MYO18B: variants seen among roughly 807,000 people sequenced by gnomAD.
The protein encoded by MYO18B is unconventional myosin-XVIIIb.
A neutral mutation model predicts 273.0 loss-of-function variants in MYO18B; 204 were observed. That is an observed-to-expected ratio of 0.75 (90% CI 0.67 to 0.84). The LOEUF is 0.84. MYO18B is among the 40% of genes least tolerant of loss of function. The pLI is 0.00. For missense variants in MYO18B, 3,212 were observed against 3,287.6 expected (o/e 0.98, Z 0.56); for synonymous variants, 1,330 against 1,305.7 (o/e 1.02, Z -0.40).
At chr22:25,767,501 G>C (rs1488763810) in intron 3 of MYO18B, among the ~76,000 whole-genome samples, 1 of 152,222 alleles carries the variant, frequency 6.6e-6, no homozygotes, top group Non-Finnish European at 1.5e-5. Context: ...GGTGGTATCT[G>C]CCTGTACTGG....
Position 25,902,572 on chromosome 22 carries a change from A to AC in MYO18B, c.4824-39dup, listed in dbSNP as rs776831554. 13 of 1,585,068 alleles carry AC rather than the reference A, an allele frequency of 8.2e-6. No individual in the cohort carries two copies. The Admixed American group carries it at 2.1e-4, about 26-fold the overall frequency. ...CCCTGCCTCAATCACTCCCCTGCCCACCTGCCTACGGGGCCCTGACACGTG... is the reference window on the plus strand; with the variant it reads ...CCCTGCCTCAATCACTCCCCTGCCCACCCTGCCTACGGGGCCCTGACACGTG... On this transcript the variant is annotated intron_variant, in intron 29 of 43. Transcript: ENST00000335473.
At chr22:25,989,624 TACAAAAAA>T (rs1466086880) in intron 39 of MYO18B, among the ~76,000 whole-genome samples, 4 of 5,752 alleles carry the variant, frequency 7.0e-4, no homozygotes, top group South Asian at 5.1e-3. Context: ...CTACTAAAAA[TACAAAAAA>T]AAAAAAAAAA....
At chr22:25,773,533 G>A (rs955848179) in intron 7 of MYO18B, among the ~76,000 whole-genome samples, 6 of 151,996 alleles carry the variant, frequency 3.9e-5, no homozygotes, top group African/African-American at 9.7e-5. Flanking sequence ...GCACGATCTC[G>A]GCTCACTGCA....
intron 42 of MYO18B, among the ~76,000 whole-genome samples, chr22:26,016,472 A>G (rs1935334783): frequency 6.6e-6 from 1 of 152,172 alleles, no homozygotes; most frequent in African/African-American, 2.4e-5. Context: ...AATATGGAGA[A>G]CTCACTTTAG....
intron 33 of MYO18B, among the ~76,000 whole-genome samples, chr22:25,914,323 G>A (rs77665011): frequency 0.022 from 3,423 of 152,234 alleles, 117 homozygotes; most frequent in African/African-American, 0.077. Flanking sequence ...TTACAAGTTA[G>A]TTGGGAACAA....
rs1301900273 is a variant in MYO18B at position 25,909,311 on chromosome 22, GA to G, written c.5259+881del. 3.9e-5 allele frequency among the ~76,000 whole-genome samples: 6 copies of G among 152,300 alleles called. No individual in the cohort carries two copies. In the South Asian group the frequency reaches 8.3e-4, roughly 21 times the overall value. On this transcript the variant is annotated intron_variant, in intron 32 of 43. Coordinates refer to ENST00000335473, the MANE Select transcript of MYO18B (RefSeq NM_032608.7). Reference sequence around the variant, plus strand: ...GTCCCCTGAATCATACCTATGTACAGAATACACTCAATTTTGCCTTGCTTGA... The same window carrying G: ...GTCCCCTGAATCATACCTATGTACAGATACACTCAATTTTGCCTTGCTTGA...
chr22:25,870,173 T>G (rs2091007881), intron 22 of MYO18B, among the ~76,000 whole-genome samples: 1 of 152,184 alleles, frequency 6.6e-6, no homozygotes, highest in Non-Finnish European at 1.5e-5. Context: ...TTCCGTACAC[T>G]CTGGGTCCTA....
At chr22:26,051,179 T>C in the MYO18B span, among the ~76,000 whole-genome samples, 1 of 151,642 alleles carries the variant, frequency 6.6e-6, no homozygotes, top group African/African-American at 2.4e-5. Flanking sequence ...TTTAGGTACA[T>C]AGTGTCACAG....
rs575887291 is a variant in MYO18B at position 25,752,343 on chromosome 22, A to G, written c.-109-8641A>G. On this transcript the variant is annotated intron_variant, in intron 1 of 43. Coordinates refer to ENST00000335473, the MANE Select transcript of MYO18B (RefSeq NM_032608.7). ...GCTGGGACTACAGGCGCCCGCCACT[A>G]CGCCCGGCTAATTTTTTGTATTTTT... 1.8e-3 allele frequency among the ~76,000 whole-genome samples: 267 copies of G among 149,904 alleles called. 3 individuals carry two copies. Among genetic ancestry groups the G allele is most frequent in the African/African-American group, 6.2e-3 (250 of 40,628 alleles).
Position 25,877,952 on chromosome 22 carries a change from T to A in MYO18B, c.4225-7T>A. 1 of 1,565,818 alleles carries A rather than the reference T, an allele frequency of 6.4e-7. No homozygotes were observed. The highest frequency in any genetic ancestry group is 8.7e-7 in the Non-Finnish European group (1 of 1,154,680). Reference sequence around the variant, plus strand: ...AATGGTTTCTGTTCATGTGTTTGTTTTTGTAGGAGGAGCTTACAACGCTAA... The same window carrying A: ...AATGGTTTCTGTTCATGTGTTTGTTATTGTAGGAGGAGCTTACAACGCTAA... On this transcript the variant is annotated splice_polypyrimidine_tract_variant and splice_region_variant and intron_variant, in intron 24 of 43. Transcript: ENST00000335473.
intron 42 of MYO18B, among the ~76,000 whole-genome samples, chr22:26,010,766 C>T (rs1469992877): frequency 2.0e-5 from 3 of 152,134 alleles, no homozygotes; most frequent in Non-Finnish European, 4.4e-5. Context: ...GGGTGCTCCA[C>T]ATACCAGAGA....
chr22:25,818,256 C>A lies in MYO18B; in HGVS notation c.2522-5249C>A, dbSNP rs138992607. 2.0e-5 allele frequency among the ~76,000 whole-genome samples: 3 copies of A among 152,326 alleles called. No homozygotes were observed. In the East Asian group the frequency reaches 5.8e-4, roughly 29 times the overall value. On this transcript the variant is annotated intron_variant, in intron 12 of 43. Transcript: ENST00000335473. ...TTCTGTCCTTTCTCTCTGTTTCTCT[C>A]TCTCTGCCTCTCCCTCTTTGTGTCT...
Position 25,795,126 on chromosome 22 carries a change from G to C in MYO18B, c.2377-2827G>C, listed in dbSNP as rs189536360. On this transcript the variant is annotated intron_variant, in intron 11 of 43. Transcript: ENST00000335473. ...CATTGCTGTGTAGTGCTCCATCGCT[G>C]TGCTCTGGGTATACCACTCTTTGTG... Among the ~76,000 whole-genome samples, 16 of 152,312 alleles carry C rather than the reference G, an allele frequency of 1.1e-4. No homozygotes were observed. The East Asian group carries it at 3.1e-3, about 29-fold the overall frequency.
chr22:25,997,399 G>C (rs1452296192), intron 40 of MYO18B, among the ~76,000 whole-genome samples: 1 of 140,328 alleles, frequency 7.1e-6, no homozygotes. Context: ...AGTAACACAA[G>C]AGCATTAAAC....
At chr22:25,770,364 C>G (rs1266173002) in intron 5 of MYO18B, among the ~76,000 whole-genome samples, 188 bp downstream of exon 5, 1 of 152,160 alleles carries the variant, frequency 6.6e-6, no homozygotes, top group Non-Finnish European at 1.5e-5. Context: ...CTCACTAATG[C>G]AACAAGCATG....
chr22:25,994,224 T>C (rs1364208224), intron 40 of MYO18B, among the ~76,000 whole-genome samples: 1 of 152,200 alleles, frequency 6.6e-6, no homozygotes, highest in East Asian at 1.9e-4. Flanking sequence ...CCCAGCACTT[T>C]GGGAAGCTAA....
chr22:25,975,369 G>C (rs1460928864), intron 39 of MYO18B, among the ~76,000 whole-genome samples: 39 of 152,170 alleles, frequency 2.6e-4, no homozygotes, highest in Admixed American at 2.6e-3. Flanking sequence ...TTCCGCCGCT[G>C]TGAGCCCCGG....
chr22:26,038,708 A>C, the MYO18B span, among the ~76,000 whole-genome samples: 1 of 152,168 alleles, frequency 6.6e-6, no homozygotes, highest in Non-Finnish European at 1.5e-5. Flanking sequence ...TATGTGGTCT[A>C]ACTGGGGACA....
intron 12 of MYO18B, among the ~76,000 whole-genome samples, chr22:25,810,785 G>T (rs2145827707): frequency 6.6e-6 from 1 of 152,054 alleles, no homozygotes; most frequent in South Asian, 2.1e-4. Flanking sequence ...TGAACAGAAA[G>T]TACAAAATTC....
Sources: gnomAD v4.1 joint callset for allele counts (sites outside exome capture counted in the v4.1 genomes callset) on GRCh38, gnomAD v4.1.1 for gene constraint, MANE v1.5 for transcripts, NCBI Gene and HGNC (gene_info 2026-07-23, HGNC 2026-07-21) for gene names.